CPA6: variants seen among roughly 807,000 people sequenced by gnomAD.
The protein encoded by CPA6 is carboxypeptidase A6, also known as carboxypeptidase B.
Under a neutral mutation model 63.3 loss-of-function variants are expected in CPA6, and 58 were observed. That is an observed-to-expected ratio of 0.92 (90% CI 0.74 to 1.14). The LOEUF is 1.14. Ranked by LOEUF, CPA6 falls within the 50% of genes most tolerant of loss-of-function variation. CPA6 has a pLI of 0.00. For synonymous variants in CPA6, 185 were observed against 179.0 expected (o/e 1.03, Z -0.27); for missense variants, 565 against 526.6 (o/e 1.07, Z -0.71).
chr8:67,723,108 A>T (rs1039650349), intron 1 of CPA6, among the ~76,000 whole-genome samples: 1 of 152,138 alleles, frequency 6.6e-6, no homozygotes, highest in Non-Finnish European at 1.5e-5. Context: ...GCCATAACTC[A>T]TTCTTTGTAA....
intron 8 of CPA6, among the ~76,000 whole-genome samples, chr8:67,442,233 C>G (rs1014210873): frequency 1.3e-5 from 2 of 151,654 alleles, no homozygotes; most frequent in African/African-American, 4.8e-5. Context: ...CATTGGGGAT[C>G]AAATATGAAG....
chr8:67,664,195 C>T (rs916860174), intron 1 of CPA6, among the ~76,000 whole-genome samples: 6 of 152,174 alleles, frequency 3.9e-5, no homozygotes, highest in African/African-American at 1.4e-4. Flanking sequence ...ACTAAGACTG[C>T]CATTCTTAAA....
At chr8:67,580,576 G>T (rs1295062607) in intron 2 of CPA6, among the ~76,000 whole-genome samples, 1 of 152,168 alleles carries the variant, frequency 6.6e-6, no homozygotes, top group Non-Finnish European at 1.5e-5. Context: ...TGATAATAAA[G>T]TCAGAGATGG....
intron 2 of CPA6, among the ~76,000 whole-genome samples, chr8:67,597,975 G>T (rs1814390148): frequency 6.6e-6 from 1 of 152,202 alleles, no homozygotes; most frequent in South Asian, 2.1e-4. Flanking sequence ...GGGGCCACTA[G>T]CTATCTGAAA....
intron 2 of CPA6, among the ~76,000 whole-genome samples, chr8:67,575,519 T>C (rs557965194): frequency 6.6e-6 from 1 of 152,248 alleles, no homozygotes; most frequent in East Asian, 1.9e-4. Flanking sequence ...AAAGAAAATG[T>C]ATATATACAC....
chr8:67,588,224 T>C (rs564188331), intron 2 of CPA6, among the ~76,000 whole-genome samples: 2 of 152,318 alleles, frequency 1.3e-5, no homozygotes, highest in South Asian at 2.1e-4. Context: ...TTTAACATTA[T>C]GGATTATTTT....
intron 1 of CPA6, among the ~76,000 whole-genome samples, chr8:67,650,595 C>T (rs1324246771): frequency 2.0e-5 from 3 of 152,074 alleles, no homozygotes; most frequent in African/African-American, 7.2e-5. Flanking sequence ...CAGAGAAATG[C>T]CATGTGCTGG....
At chr8:67,516,416 A>C (rs576793607) in intron 3 of CPA6, among the ~76,000 whole-genome samples, 2 of 152,252 alleles carry the variant, frequency 1.3e-5, no homozygotes, top group South Asian at 4.1e-4. Context: ...CTCCCTCCCT[A>C]CAGGCTCTTC....
At chr8:67,463,986 C>T (rs1275898786) in intron 8 of CPA6, among the ~76,000 whole-genome samples, 2 of 152,158 alleles carry the variant, frequency 1.3e-5, no homozygotes, top group African/African-American at 4.8e-5. Flanking sequence ...CACGCGAGCG[C>T]ATGTGTCTTT....
intron 1 of CPA6, among the ~76,000 whole-genome samples, chr8:67,729,852 G>A (rs776297106): frequency 2.0e-5 from 3 of 152,218 alleles, no homozygotes; most frequent in East Asian, 1.9e-4. Flanking sequence ...TCTTAATGGC[G>A]ACAGCAGGTA....
intron 1 of CPA6, among the ~76,000 whole-genome samples, chr8:67,665,534 A>T (rs1029091445): frequency 1.3e-5 from 2 of 152,194 alleles, no homozygotes; most frequent in African/African-American, 4.8e-5. Context: ...AATAAGTAGA[A>T]AACCTCTTCA....
chr8:67,698,427 A>G (rs1267905430), intron 1 of CPA6, among the ~76,000 whole-genome samples: 2 of 152,160 alleles, frequency 1.3e-5, no homozygotes, highest in Non-Finnish European at 1.5e-5. Context: ...TTTTTCCAGG[A>G]GAATTTCCTA....
chr8:67,561,052 C>A (rs1813198899), intron 2 of CPA6, among the ~76,000 whole-genome samples: 1 of 152,130 alleles, frequency 6.6e-6, no homozygotes, highest in African/African-American at 2.4e-5. Flanking sequence ...AATTCCTATT[C>A]TAATTCATCT....
At chr8:67,488,531 C>T (rs181830869) in intron 6 of CPA6, among the ~76,000 whole-genome samples, 7 of 152,166 alleles carry the variant, frequency 4.6e-5, no homozygotes, top group Admixed American at 6.5e-5. Flanking sequence ...GTCTTGGCAA[C>T]GTGGGCTCTT....
At chr8:67,736,766 A>G (rs574779318) in intron 1 of CPA6, among the ~76,000 whole-genome samples, 1 of 152,284 alleles carries the variant, frequency 6.6e-6, no homozygotes, top group African/African-American at 2.4e-5. Context: ...AGATCCGTCT[A>G]TCCAACTGGG....
rs527734858 is a variant in CPA6, at chr8:67,557,505, A to G, written c.193-39458T>C. ...GCTCTAGTAGCAGCAGTTGGATTCA[A>G]TCTGCAGTTTTTCTTACCCAATCTG... On this transcript the variant is annotated intron_variant, in intron 2 of 10. Transcript: ENST00000297770. Among the ~76,000 whole-genome samples, 8 of 152,282 alleles carry G rather than the reference A, an allele frequency of 5.3e-5. No homozygotes were observed. In the East Asian group the frequency reaches 1.5e-3, roughly 29 times the overall value.
chr8:67,467,720 C>T (rs1337377771), intron 8 of CPA6, among the ~76,000 whole-genome samples: 2 of 151,972 alleles, frequency 1.3e-5, no homozygotes, highest in Non-Finnish European at 2.9e-5. Flanking sequence ...CCTGTAAGGG[C>T]GACCGGGCAC....
intron 2 of CPA6, among the ~76,000 whole-genome samples, chr8:67,550,166 CAGTT>C (rs951071853): frequency 3.3e-5 from 5 of 152,146 alleles, no homozygotes; most frequent in African/African-American, 1.2e-4. Flanking sequence ...TAGTATCCAA[CAGTT>C]AGTCTTTCAA....
intron 1 of CPA6, among the ~76,000 whole-genome samples, chr8:67,690,606 G>C: frequency 6.6e-6 from 1 of 152,052 alleles, no homozygotes; most frequent in East Asian, 1.9e-4. Context: ...ACTCTGAAAA[G>C]CAATATAAAC....
Sources: gnomAD v4.1 joint callset for allele counts (sites outside exome capture counted in the v4.1 genomes callset) on GRCh38, gnomAD v4.1.1 for gene constraint, MANE v1.5 for transcripts, NCBI Gene and HGNC (gene_info 2026-07-23, HGNC 2026-07-21) for gene names.